PRKD1: variants seen among roughly 807,000 people sequenced by gnomAD.
PRKD1 encodes serine/threonine-protein kinase D1.
In PRKD1, 63 loss-of-function variants were observed where a neutral mutation model predicts 95.9. The observed-to-expected ratio is 0.66, with a 90% confidence interval of 0.54 to 0.81. PRKD1 has a LOEUF of 0.81. Among genes scored for constraint, PRKD1 ranks in the 30% least tolerant of loss-of-function variants. The pLI, the probability that PRKD1 is intolerant of heterozygous loss-of-function variation, is 0.00. For missense variants in PRKD1, 1,048 were observed against 1,165.3 expected (o/e 0.90, Z 1.47); for synonymous variants, 425 against 423.1 (o/e 1.00, Z -0.05).
chr14:29,624,157 G>A lies in PRKD1; in HGVS notation c.1900C>T (p.Leu634=). The A allele has an allele frequency of 6.3e-7, 1 of 1,593,654 alleles. No individual in the cohort carries two copies. ...ESQLRNEVAI[L]QNLHHPGVVN... ...AATGAGAACCAAAGAAGTACCTGTAGAATTGCAACCTCATTACGAAGCTGG... is the reference window on the plus strand; with the variant it reads ...AATGAGAACCAAAGAAGTACCTGTAAAATTGCAACCTCATTACGAAGCTGG... Residue 634 remains leucine (L), a synonymous_variant, in exon 13 of 18, where the codon CTA becomes TTA. Coordinates refer to ENST00000331968, the MANE Select transcript of PRKD1 (RefSeq NM_002742.3).
chr14:29,927,275 T>C lies in PRKD1; in HGVS notation c.238A>G (p.Met80Val), dbSNP rs1168314502. 6.5e-7 allele frequency: 1 copy of C among 1,528,796 alleles called. No homozygotes were observed. Among genetic ancestry groups the C allele is most frequent in the South Asian group, 1.2e-5 (1 of 82,046 alleles). 94.7% of individuals were successfully genotyped at this position (1,528,796 alleles called of 1,614,324 possible). A position where few individuals can be genotyped will look rare whatever the true frequency, so the allele number is the denominator to read the frequency against. ...TTCTGGTCGACAATGGAGCAAGCCA[T>C]CTCGCGGACGTGCGCCAGGCTGTAG... is the stretch of plus-strand genomic sequence containing the variant. ...GDYSLAHVRE[M>V]ACSIVDQKFP... Residue 80 changes from methionine (M) to valine (V), a missense_variant, in exon 1 of 18, where the codon ATG becomes GTG. Coordinates refer to ENST00000331968, the MANE Select transcript of PRKD1 (RefSeq NM_002742.3).
intron 1 of PRKD1, among the ~76,000 whole-genome samples, chr14:29,918,497 A>C (rs1001386252): frequency 1.3e-5 from 2 of 152,336 alleles, no homozygotes; most frequent in Middle Eastern, 3.4e-3. Context: ...CTCAATGTTC[A>C]CCTGCTCACA....
At chr14:29,591,462 C>T (rs1038006040) in intron 16 of PRKD1, among the ~76,000 whole-genome samples, 9 of 152,092 alleles carry the variant, frequency 5.9e-5, no homozygotes, top group East Asian at 1.9e-4. Context: ...TCCAGAGCAG[C>T]GGTTTTGAAA....
Position 29,624,154 on chromosome 14 carries a change from G to A in PRKD1, c.1903C>T (p.Gln635Ter). 6.3e-7 allele frequency: 1 copy of A among 1,592,346 alleles called. No individual in the cohort carries two copies. The highest frequency in any genetic ancestry group is 1.3e-5 in the African/African-American group (1 of 74,244). ...CCAAATGAGAACCAAAGAAGTACCTGTAGAATTGCAACCTCATTACGAAGC... is the reference window on the plus strand; with the variant it reads ...CCAAATGAGAACCAAAGAAGTACCTATAGAATTGCAACCTCATTACGAAGC... ...SQLRNEVAIL[Q>*]NLHHPGVVNL... Residue 635 changes from glutamine (Q) to a stop codon, truncating the protein, a stop_gained and splice_region_variant, in exon 13 of 18, where the codon CAG (glutamine) becomes TAG (stop). Transcript: ENST00000331968. LOFTEE classifies it high-confidence loss of function.
chr14:29,658,948 T>C (rs1009486690), intron 4 of PRKD1, among the ~76,000 whole-genome samples: 1 of 152,238 alleles, frequency 6.6e-6, no homozygotes, highest in African/African-American at 2.4e-5. Context: ...TGTTGAAGAA[T>C]CTCAATGGCT....
chr14:29,847,092 G>T (rs968949299), intron 1 of PRKD1, among the ~76,000 whole-genome samples: 1 of 152,156 alleles, frequency 6.6e-6, no homozygotes, highest in Non-Finnish European at 1.5e-5. Flanking sequence ...AGGGGGGGTT[G>T]TGTCTAACAT....
intron 1 of PRKD1, among the ~76,000 whole-genome samples, chr14:29,840,373 T>A (rs145166767): frequency 0.015 from 2,290 of 152,280 alleles, 57 homozygotes; most frequent in African/African-American, 0.047. Flanking sequence ...GATTTCATTG[T>A]CCATATCATT....
At chr14:29,906,204 A>G (rs1410015111) in intron 1 of PRKD1, among the ~76,000 whole-genome samples, 1 of 152,146 alleles carries the variant, frequency 6.6e-6, no homozygotes, top group Non-Finnish European at 1.5e-5. Context: ...ATAAATAAAA[A>G]TGATTTTTTA....
chr14:29,927,591 G>T lies in PRKD1; in HGVS notation c.-79C>A. ...AGCAGGAAAGTTTTGCAGCCGCTGA[G>T]CCAGGAGCTTCTTTCTCCGAGAGCC... On this transcript the variant is annotated 5_prime_UTR_variant, in exon 1 of 18. Transcript: ENST00000331968. The T allele has an allele frequency of 9.4e-7, 1 of 1,060,816 alleles. No homozygotes were observed. The highest frequency in any genetic ancestry group is 1.2e-6 in the Non-Finnish European group (1 of 868,758). The allele number at this position is 1,060,816 out of a possible 1,614,324, so 65.7% of individuals were successfully genotyped here. A position where few individuals can be genotyped will look rare whatever the true frequency, so the allele number is the denominator to read the frequency against.
intron 1 of PRKD1, among the ~76,000 whole-genome samples, chr14:29,913,450 G>C (rs1894789538): frequency 6.6e-6 from 1 of 152,074 alleles, no homozygotes; most frequent in Non-Finnish European, 1.5e-5. Context: ...AGAGCATATG[G>C]TCAGCCTATT....
intron 2 of PRKD1, among the ~76,000 whole-genome samples, chr14:29,684,916 T>C (rs1883768448): frequency 1.3e-5 from 2 of 152,376 alleles, no homozygotes; most frequent in Middle Eastern, 6.8e-3. Context: ...TTTCATGCTT[T>C]GATTTCTAAA....
chr14:29,912,633 C>T (rs1894756903), intron 1 of PRKD1, among the ~76,000 whole-genome samples: 1 of 152,212 alleles, frequency 6.6e-6, no homozygotes, highest in Admixed American at 6.5e-5. Flanking sequence ...ACCCAACTTC[C>T]AAAATTTTCT....
chr14:29,843,402 T>C (rs535152321), intron 1 of PRKD1, among the ~76,000 whole-genome samples: 14 of 152,152 alleles, frequency 9.2e-5, no homozygotes, highest in African/African-American at 3.1e-4. Context: ...AAAATAAATA[T>C]GGAAGATAAG....
intron 13 of PRKD1, among the ~76,000 whole-genome samples, chr14:29,623,437 GCTTGC>G (rs1879409339): frequency 6.6e-6 from 1 of 152,154 alleles, no homozygotes; most frequent in Non-Finnish European, 1.5e-5. Context: ...ATTATGACAT[GCTTGC>G]ATGAGAAGTA....
At position 29,734,028 on chromosome 14, in the gene PRKD1, C is replaced by CTTTTTTTTTTTTTTTTTTTT. The variant is rs58908662; in HGVS notation, c.265-8374_265-8355dup. On this transcript the variant is annotated intron_variant, in intron 1 of 17. Transcript: ENST00000331968. Reference sequence around the variant, plus strand: ...CTGGTTTTGAGTCATACTTTCCTGCCTTTTTTTTTTTTTTTTTTTTTTTTT... The same window carrying CTTTTTTTTTTTTTTTTTTTT: ...CTGGTTTTGAGTCATACTTTCCTGCCTTTTTTTTTTTTTTTTTTTTTTTTTTTTTTTTTTTTTTTTTTTTT... Among the ~76,000 whole-genome samples, 6 of 64,640 alleles carry CTTTTTTTTTTTTTTTTTTTT rather than the reference C, an allele frequency of 9.3e-5. 2 individuals carry two copies. The highest frequency in any genetic ancestry group is 4.5e-4 in the Admixed American group (2 of 4,446). 42.4% of individuals were successfully genotyped at this position (64,640 alleles called of 152,430 possible).
At chr14:29,743,419 A>G (rs1280096156) in intron 1 of PRKD1, among the ~76,000 whole-genome samples, 1 of 152,166 alleles carries the variant, frequency 6.6e-6, no homozygotes, top group Non-Finnish European at 1.5e-5. Context: ...TTATATATAT[A>G]TGGAGAAAGA....
chr14:29,655,243 T>C (rs1881765112), intron 4 of PRKD1, among the ~76,000 whole-genome samples: 2 of 152,184 alleles, frequency 1.3e-5, no homozygotes, highest in South Asian at 4.1e-4. Context: ...AAAATTACAC[T>C]CACCTAGCTT....
intron 1 of PRKD1, among the ~76,000 whole-genome samples, chr14:29,775,868 C>G (rs1257072441): frequency 6.6e-6 from 1 of 152,146 alleles, no homozygotes; most frequent in Non-Finnish European, 1.5e-5. Context: ...CCCTGACCCC[C>G]GAGTAGCCTA....
At chr14:29,714,035 C>A in intron 2 of PRKD1, among the ~76,000 whole-genome samples, 1 of 151,958 alleles carries the variant, frequency 6.6e-6, no homozygotes. Context: ...GGAATTATGC[C>A]AAATACAAAA....
Sources: gnomAD v4.1 joint callset for allele counts (sites outside exome capture counted in the v4.1 genomes callset) on GRCh38, gnomAD v4.1.1 for gene constraint, MANE v1.5 for transcripts, NCBI Gene and HGNC (gene_info 2026-07-23, HGNC 2026-07-21) for gene names.